EPS8L2: variants seen among roughly 807,000 people sequenced by gnomAD.
EPS8L2 encodes EPS8 signaling adaptor L2.
Under a neutral mutation model 99.4 loss-of-function variants are expected in EPS8L2, and 81 were observed. The observed-to-expected ratio is 0.82, with a 90% CI of 0.68 to 0.98. EPS8L2 has a LOEUF of 0.98. Among genes scored for constraint, EPS8L2 ranks in the 50% least tolerant of loss-of-function variants. EPS8L2 has a pLI of 0.00. For missense variants in EPS8L2, 1,155 were observed against 968.8 expected (o/e 1.19, Z -2.55); for synonymous variants, 509 against 407.3 (o/e 1.25, Z -3.01).
At chr11:720,978 G>GCCGGCAGCGGAGGGGAGGAGC (rs1862149613) in intron 7 of EPS8L2, 69 bp downstream of exon 7, 1 of 1,043,740 alleles carries the variant, frequency 9.6e-7, no homozygotes. Context: ...GAGGGGAGGA[G>GCCGGCAGCGGAGGGGAGGAGC]CCGGCAGGGG....
intron 14 of EPS8L2, 133 bp from the exon 15 acceptor site, chr11:723,108 C>A: frequency 1.7e-6 from 1 of 598,324 alleles, no homozygotes; most frequent in South Asian, 2.0e-5. Context: ...GCTGGCATCA[C>A]CGGGCATCAG....
Position 727,052 on chromosome 11 carries a change from T to C in EPS8L2, c.*71T>C, listed in dbSNP as rs955048091. On this transcript the variant is annotated 3_prime_UTR_variant, in exon 21 of 21. Coordinates refer to ENST00000318562, the MANE Select transcript of EPS8L2 (RefSeq NM_022772.4). ...CAATGCATGGAGTATTATTTTTATA[T>C]GTGTATGTATTTTGTATCAAGGACA... 2.2e-5 allele frequency: 24 copies of C among 1,070,184 alleles called. No homozygotes were observed. The highest frequency in any genetic ancestry group is 1.2e-4 in the Admixed American group (6 of 48,126). The allele number at this position is 1,070,184 out of a possible 1,614,324, so 66.3% of individuals were successfully genotyped here. A position where few individuals can be genotyped will look rare whatever the true frequency, so the allele number is the denominator to read the frequency against.
intron 4 of EPS8L2, 122 bp downstream of exon 4, chr11:710,608 A>G: frequency 1.0e-6 from 1 of 984,536 alleles, no homozygotes; most frequent in Admixed American, 1.9e-5. Context: ...GCCGGCCTGT[A>G]GGCCCTGCTA....
chr11:716,212 C>T (rs1271681773), intron 4 of EPS8L2, among the ~76,000 whole-genome samples: 3 of 150,574 alleles, frequency 2.0e-5, no homozygotes, highest in Non-Finnish European at 4.4e-5. Context: ...GCAGTGGCAC[C>T]ATCTCAGCTC....
intron 7 of EPS8L2, 49 bp downstream of exon 7, chr11:720,958 C>CCCGGCAGGGGTGGGGAGGAG: frequency 9.8e-7 from 1 of 1,015,858 alleles, no homozygotes; most frequent in Non-Finnish European, 1.3e-6. Flanking sequence ...AGGGGAGGAG[C>CCCGGCAGGGGTGGGGAGGAG]CCGGCAGGGG....
At chr11:721,016 G>GAGGA in intron 7 of EPS8L2, 48 bp from the exon 8 acceptor site, 1 of 1,493,424 alleles carries the variant, frequency 6.7e-7, no homozygotes, top group East Asian at 2.5e-5. Context: ...GGGAGGGAGG[G>GAGGA]TCAGGTGCGT....
Position 709,459 on chromosome 11 carries a change from C to CAA in EPS8L2, c.44+8_44+9insAA. The CAA allele has an allele frequency of 5.1e-6, 8 of 1,576,426 alleles. No individual in the cohort carries two copies. The highest frequency in any genetic ancestry group is 1.1e-5 in the South Asian group (1 of 88,130). On this transcript the variant is annotated intron_variant, in intron 2 of 20. Coordinates refer to ENST00000318562, the MANE Select transcript of EPS8L2 (RefSeq NM_022772.4). Reference sequence around the variant, plus strand: ...CTGCCCGGGTGCCACCAAGTGAGCCCTCCCACCCATCCCGAATACCCCACC... The same window carrying CAA: ...CTGCCCGGGTGCCACCAAGTGAGCCCAATCCCACCCATCCCGAATACCCCACC...
chr11:707,486 C>T (rs994890833), intron 1 of EPS8L2, among the ~76,000 whole-genome samples: 1 of 152,202 alleles, frequency 6.6e-6, no homozygotes, highest in Non-Finnish European at 1.5e-5. Context: ...CCTCCACAGC[C>T]CGACTGACCG....
chr11:709,739 G>C, intron 3 of EPS8L2, 131 bp downstream of exon 3: 1 of 1,060,152 alleles, frequency 9.4e-7, no homozygotes, highest in Non-Finnish European at 1.4e-6. Flanking sequence ...GCCCAGGGAG[G>C]CCTCTGGACC....
chr11:721,004 C>CAGGG, intron 7 of EPS8L2, 60 bp from the exon 8 acceptor site: 1 of 1,414,886 alleles, frequency 7.1e-7, no homozygotes, highest in Non-Finnish European at 9.4e-7. Context: ...AGGAGCCCGG[C>CAGGG]AGGGAGGGAG....
chr11:726,407 C>G lies in EPS8L2; in HGVS notation c.1857C>G (p.Pro619=), dbSNP rs768552619. 3.7e-6 allele frequency: 6 copies of G among 1,605,976 alleles called. No homozygotes were observed. In the East Asian group the frequency reaches 6.7e-5, roughly 18 times the overall value. ...QRHFRVERSQ[P]VSQPLTYESG... ...ACTTCCGCGTGGAGCGCAGCCAGCCCGTGAGCCAGCCGCTCACCTACGAGT... is the reference window on the plus strand; with the variant it reads ...ACTTCCGCGTGGAGCGCAGCCAGCCGGTGAGCCAGCCGCTCACCTACGAGT... Residue 619 remains proline (P), a synonymous_variant, in exon 19 of 21, where the codon CCC becomes CCG. Coordinates refer to ENST00000318562, the MANE Select transcript of EPS8L2 (RefSeq NM_022772.4).
chr11:720,555 C>T, intron 5 of EPS8L2, 42 bp from the exon 6 acceptor site: 1 of 1,575,102 alleles, frequency 6.3e-7, no homozygotes, highest in South Asian at 1.2e-5. Context: ...CCAGAGTGCC[C>T]AGACCCCGGG....
chr11:712,475 T>C (rs1200611955), intron 4 of EPS8L2, among the ~76,000 whole-genome samples: 1 of 150,414 alleles, frequency 6.6e-6, no homozygotes, highest in East Asian at 2.0e-4. Flanking sequence ...CGAGCTGGGC[T>C]CCCGGTTGTC....
chr11:726,260 G>T, intron 18 of EPS8L2, 44 bp from the exon 19 acceptor site: 1 of 1,580,932 alleles, frequency 6.3e-7, no homozygotes, highest in South Asian at 1.1e-5. Context: ...GGGGGCGGGG[G>T]CAGGGGCAAG....
rs1415664565 is a variant in EPS8L2 at position 720,858 on chromosome 11, G to A, written c.506G>A (p.Ser169Asn). The stretch of plus-strand genomic sequence containing the variant: ...GAGCTGGTGCACGAGGACATCGAGA[G>A]CGCGTTGGCCGACTGCCGGCTGGGC... ...EAELVHEDIE[S>N]ALADCRLGKK... is the part of the protein sequence containing the mutation. Residue 169 changes from serine (S) to asparagine (N), a missense_variant, in exon 7 of 21, where the codon AGC (serine) becomes AAC (asparagine). By Grantham distance (46) the Ser-to-Asn change is conservative. Coordinates refer to ENST00000318562, the MANE Select transcript of EPS8L2 (RefSeq NM_022772.4). 4 of 1,535,336 alleles carry A rather than the reference G, an allele frequency of 2.6e-6. No homozygotes were observed. The highest frequency in any genetic ancestry group is 4.0e-5 in the Admixed American group (2 of 50,522).
At chr11:708,772 T>TGTGTGGGTGGCAAGTCCAC (rs1861800211) in intron 1 of EPS8L2, 1 of 153,986 alleles carries the variant, frequency 6.5e-6, no homozygotes. Flanking sequence ...AGAGGTGGCA[T>TGTGTGGGTGGCAAGTCCAC]GTGTGGGTGG....
chr11:726,036 C>G (rs1249731337), intron 17 of EPS8L2, 62 bp from the exon 18 acceptor site: 5 of 1,052,162 alleles, frequency 4.8e-6, no homozygotes, highest in Non-Finnish European at 6.7e-6. Context: ...GGGGAGGTCC[C>G]GGGCAGGTGC....
At chr11:713,221 T>C (rs1464590324) in intron 4 of EPS8L2, among the ~76,000 whole-genome samples, 2 of 152,234 alleles carry the variant, frequency 1.3e-5, no homozygotes, top group Non-Finnish European at 2.9e-5. Context: ...TTTGCTTTTT[T>C]CTAAGTTATC....
At chr11:725,619 G>A (rs1862291856) in intron 16 of EPS8L2, 109 bp from the exon 17 acceptor site, 3 of 1,067,764 alleles carry the variant, frequency 2.8e-6, no homozygotes, top group African/African-American at 1.6e-5. Context: ...AGCGAAGCGG[G>A]GCTCCGGGAG....
Sources: gnomAD v4.1 joint callset for allele counts (sites outside exome capture counted in the v4.1 genomes callset) on GRCh38, gnomAD v4.1.1 for gene constraint, MANE v1.5 for transcripts, NCBI Gene and HGNC (gene_info 2026-07-23, HGNC 2026-07-21) for gene names.